ZNF75D: variants seen among roughly 807,000 people sequenced by gnomAD.
ZNF75D encodes the protein zinc finger protein 75D, also known as zinc finger protein 75.
In ZNF75D, 33 loss-of-function variants were observed where a neutral mutation model predicts 33.3. That is an observed-to-expected ratio of 0.99 (90% confidence interval 0.75 to 1.32). The LOEUF (loss-of-function observed/expected upper bound fraction) is 1.32. ZNF75D is among the 40% of genes most tolerant of loss of function. The probability of loss-of-function intolerance (pLI) is 0.00; values close to 1 mark genes in which losing one functional copy is unlikely to be tolerated. For missense variants in ZNF75D, 338 were observed against 367.5 expected (o/e 0.92, Z 0.66); for synonymous variants, 113 against 130.6 (o/e 0.87, Z 0.92).
intron 1 of ZNF75D, among the ~76,000 whole-genome samples, chrX:135,318,089 T>TATA (rs67277814): frequency 0.039 from 3,248 of 83,079 alleles, 76 homozygotes; most frequent in East Asian, 0.064. Context: ...ATATATATAT[T>TATA]TTTTTTTTTT....
chrX:135,291,323 C>T, intron 5 of ZNF75D, 149 bp downstream of exon 5: 1 of 801,917 alleles, frequency 1.2e-6, no homozygotes, highest in Non-Finnish European at 1.8e-6. Flanking sequence ...TGCCCAGTTC[C>T]CACTGTGCCA....
chrX:135,303,949 A>C lies in ZNF75D; in HGVS notation c.-390-7910T>G, dbSNP rs782076778. On this transcript the variant is annotated intron_variant, in intron 1 of 6. Coordinates refer to ENST00000370766, the MANE Select transcript of ZNF75D (RefSeq NM_007131.5). ...AGCAGTTGGGCTCCTTAAACAGAAC[A>C]AACAGGAGGCCCCAGTCACCTAACA... Among the ~76,000 whole-genome samples the C allele has an allele frequency of 3.5e-5, 4 of 112,772 alleles. No individual in the cohort carries two copies. In the South Asian group the frequency reaches 1.1e-3, roughly 31 times the overall value.
At chrX:135,330,843 T>C (rs1055125877) in intron 1 of ZNF75D, 2 of 112,280 alleles carry the variant, frequency 1.8e-5, no homozygotes, top group Non-Finnish European at 3.8e-5. Context: ...CTAAACATTC[T>C]GTGCAGGAGC....
At chrX:135,301,807 G>A (rs1346664136) in intron 1 of ZNF75D, among the ~76,000 whole-genome samples, 3 of 112,163 alleles carry the variant, frequency 2.7e-5, no homozygotes. Context: ...AGCTCCACTA[G>A]GCAGTACCCC....
chrX:135,288,335 G>C (rs2083987084), intron 6 of ZNF75D, among the ~76,000 whole-genome samples: 1 of 112,653 alleles, frequency 8.9e-6, no homozygotes, highest in Admixed American at 9.4e-5. Context: ...CACTGGAGCT[G>C]CTGGAAAGGT....
chrX:135,300,427 G>T (rs1218362753), intron 1 of ZNF75D, among the ~76,000 whole-genome samples: 2 of 108,580 alleles, frequency 1.8e-5, no homozygotes, highest in Non-Finnish European at 3.8e-5. Context: ...AAAGTCAGAA[G>T]TGGACCTTCA....
chrX:135,301,153 T>A (rs1330896923), intron 1 of ZNF75D, among the ~76,000 whole-genome samples: 1 of 111,576 alleles, frequency 9.0e-6, no homozygotes, highest in African/African-American at 3.3e-5. Flanking sequence ...AACTGCCATT[T>A]ATAAAACTGT....
At chrX:135,323,581 T>C (rs1176965634) in intron 1 of ZNF75D, among the ~76,000 whole-genome samples, 1 of 111,792 alleles carries the variant, frequency 8.9e-6, no homozygotes, top group East Asian at 2.8e-4. Context: ...CAATGCCTGG[T>C]TGAGACTTAC....
chrX:135,311,691 A>G (rs1421251117), intron 1 of ZNF75D, among the ~76,000 whole-genome samples: 1 of 111,709 alleles, frequency 9.0e-6, no homozygotes, highest in Non-Finnish European at 1.9e-5. Flanking sequence ...TTTGACCAAC[A>G]TCTCCCCTCA....
At chrX:135,248,945 G>T (rs1302904795) in exon 4 of ZNF75D, 2 of 318,866 alleles carry the variant, frequency 6.3e-6, no homozygotes, top group Admixed American at 6.4e-5. Context: ...CACTTGTAAT[G>T]GTTGCATCAG....
chrX:135,325,704 G>A (rs782178575), intron 1 of ZNF75D, among the ~76,000 whole-genome samples: 14 of 113,007 alleles, frequency 1.2e-4, no homozygotes, highest in Admixed American at 2.8e-4. Flanking sequence ...GGCAGGGCTC[G>A]AGACCTGCAG....
At position 135,286,845 on chromosome X, in the gene ZNF75D, G is replaced by A. The variant is rs1215489788; in HGVS notation, c.*292C>T. ...GATACCTGAAAAATTTAGATGACTG[G>A]GGGTGGGGAAGCTTTGAATAACCAG... is the stretch of plus-strand genomic sequence containing the variant. On this transcript the variant is annotated 3_prime_UTR_variant, in exon 7 of 7. Coordinates refer to ENST00000370766, the MANE Select transcript of ZNF75D (RefSeq NM_007131.5). The A allele has an allele frequency of 1.2e-5, 3 of 245,565 alleles. No homozygotes were observed. Among genetic ancestry groups the A allele is most frequent in the East Asian group, 1.6e-4 (2 of 12,845 alleles). 20.2% of individuals were successfully genotyped at this position (245,565 alleles called of 1,213,427 possible).
rs2083950039 is a variant in ZNF75D at position 135,286,259 on chromosome X, T to C, written c.*878A>G. The C allele has an allele frequency of 8.9e-6, 1 of 111,893 alleles. No homozygotes were observed. Among genetic ancestry groups the C allele is most frequent in the Non-Finnish European group, 1.9e-5 (1 of 53,199 alleles). The allele number at this position is 111,893 out of a possible 1,213,427, so 9.2% of individuals were successfully genotyped here. On this transcript the variant is annotated 3_prime_UTR_variant, in exon 7 of 7. Coordinates refer to ENST00000370766, the MANE Select transcript of ZNF75D (RefSeq NM_007131.5). Reference sequence around the variant, plus strand: ...GGTTGTAGTTGATCAGCCATAAAGATGGGGCTCCCTTTAGGTCCTGCAGCA... The same window carrying C: ...GGTTGTAGTTGATCAGCCATAAAGACGGGGCTCCCTTTAGGTCCTGCAGCA...
In ZNF75D at chrX:135,343,946, C is replaced by T. The variant is rs1315665527; in HGVS notation, c.-2569G>A. 8.9e-6 allele frequency: 1 copy of T among 112,091 alleles called. No homozygotes were observed. The highest frequency in any genetic ancestry group is 3.2e-5 in the African/African-American group (1 of 30,803). 9.2% of individuals were successfully genotyped at this position (112,091 alleles called of 1,213,427 possible). On this transcript the variant is annotated 5_prime_UTR_variant, in exon 1 of 7. Coordinates refer to ENST00000370766, the MANE Select transcript of ZNF75D (RefSeq NM_007131.5). ...GAGGCACAAAAGCAGGCAGCTTTCT[C>T]CTGTCTGTGTTGGACCCACGCAGGA...
At chrX:135,298,448 A>C (rs782451654) in intron 1 of ZNF75D, 2 of 111,165 alleles carry the variant, frequency 1.8e-5, no homozygotes, top group South Asian at 7.7e-4. Flanking sequence ...AGATGCAACA[A>C]GTATTAATCA....
intron 3 of ZNF75D, chrX:135,249,370 C>A: frequency 4.0e-6 from 1 of 252,630 alleles, no homozygotes; most frequent in South Asian, 3.8e-5. Flanking sequence ...AGCCTCTCTG[C>A]ACTTCTCCTC....
chrX:135,298,315 T>A (rs1489580800), intron 1 of ZNF75D: 3 of 112,295 alleles, frequency 2.7e-5, no homozygotes, highest in African/African-American at 9.7e-5. Flanking sequence ...GAGGAGAGAC[T>A]GATGAAGAAC....
chrX:135,285,903 G>T lies in ZNF75D; in HGVS notation c.*1234C>A, dbSNP rs1239641748. The T allele has an allele frequency of 8.9e-6, 1 of 112,134 alleles. No individual in the cohort carries two copies. Among genetic ancestry groups the T allele is most frequent in the African/African-American group, 3.2e-5 (1 of 30,810 alleles). The allele number at this position is 112,134 out of a possible 1,213,427, so 9.2% of individuals were successfully genotyped here. ...AATAAACATATATAAATAAGCCTTG[G>T]CCAACATTATAAACCAGGATCTGAC... On this transcript the variant is annotated 3_prime_UTR_variant, in exon 7 of 7. Coordinates refer to ENST00000370766, the MANE Select transcript of ZNF75D (RefSeq NM_007131.5).
At chrX:135,288,963 C>G (rs1556420480) in intron 6 of ZNF75D, among the ~76,000 whole-genome samples, 2 of 112,210 alleles carry the variant, frequency 1.8e-5, no homozygotes, top group African/African-American at 3.2e-5. Flanking sequence ...TTATATATAT[C>G]AAAATAATCA....
Sources: allele counts gnomAD v4.1 joint callset (sites outside exome capture counted in the v4.1 genomes callset), GRCh38; gene constraint gnomAD v4.1.1; transcripts MANE v1.5; gene names NCBI Gene and HGNC (gene_info 2026-07-23, HGNC 2026-07-21).